Variants in CTNNA2 observed in about 807,000 individuals in gnomAD.
The protein encoded by CTNNA2 is catenin alpha 2, also known as catenin alpha-2.
A neutral mutation model predicts 101.0 loss-of-function variants in CTNNA2; 42 were observed. The observed-to-expected ratio is 0.42, with a 90% CI of 0.32 to 0.54. CTNNA2 has a LOEUF of 0.54. Among genes scored for constraint, CTNNA2 ranks in the 20% least tolerant of loss-of-function variants. The pLI, the probability that CTNNA2 is intolerant of heterozygous loss-of-function variation, is 0.14. For missense variants in CTNNA2, 871 were observed against 1,223.1 expected (o/e 0.71, Z 4.29); for synonymous variants, 450 against 456.4 (o/e 0.99, Z 0.18).
At chr2:79,470,182 G>A (rs1208754319) in intron 4 of CTNNA2, among the ~76,000 whole-genome samples, 2 of 152,088 alleles carry the variant, frequency 1.3e-5, no homozygotes, top group Non-Finnish European at 2.9e-5. Context: ...TATTTAGGAG[G>A]CCAGTGATAT....
chr2:79,314,558 A>T (rs879768608), intron 3 of CTNNA2, among the ~76,000 whole-genome samples: 1 of 152,354 alleles, frequency 6.6e-6, no homozygotes, highest in Non-Finnish European at 1.5e-5. Context: ...AGAGACCCCA[A>T]TGAATGGCTC....
chr2:79,786,533 T>C (rs1022046149), intron 3 of CTNNA2, among the ~76,000 whole-genome samples: 1 of 151,996 alleles, frequency 6.6e-6, no homozygotes, highest in African/African-American at 2.4e-5. Context: ...AGGCATTCTT[T>C]CCAGAAGAGT....
chr2:79,798,931 G>C (rs1675931950), intron 3 of CTNNA2, among the ~76,000 whole-genome samples: 1 of 152,154 alleles, frequency 6.6e-6, no homozygotes, highest in Admixed American at 6.5e-5. Flanking sequence ...CCAAGGTGAT[G>C]CATGGAAAGT....
At chr2:79,345,385 T>C (rs745797564) in intron 3 of CTNNA2, among the ~76,000 whole-genome samples, 1 of 152,168 alleles carries the variant, frequency 6.6e-6, no homozygotes, top group Non-Finnish European at 1.5e-5. Context: ...ATAGGCTACA[T>C]TGATGGCTAA....
intron 1 of CTNNA2, among the ~76,000 whole-genome samples, chr2:79,579,058 T>C (rs1171724364): frequency 6.6e-6 from 1 of 151,798 alleles, no homozygotes; most frequent in Non-Finnish European, 1.5e-5. Context: ...CTTTTTTCTC[T>C]TTTCTTTCCT....
intron 7 of CTNNA2, among the ~76,000 whole-genome samples, chr2:79,921,866 G>A (rs1686680068): frequency 6.6e-6 from 1 of 152,160 alleles, no homozygotes; most frequent in South Asian, 2.1e-4. Context: ...CATTTTGCCC[G>A]ACTGCTCCTG....
intron 1 of CTNNA2, among the ~76,000 whole-genome samples, chr2:79,620,467 C>T (rs529332855): frequency 6.6e-6 from 1 of 152,360 alleles, no homozygotes; most frequent in South Asian, 2.1e-4. Flanking sequence ...CACTCATACA[C>T]ATATGTGTCT....
chr2:80,404,390 T>G (rs1437151843), intron 8 of CTNNA2, among the ~76,000 whole-genome samples: 1 of 152,190 alleles, frequency 6.6e-6, no homozygotes, highest in African/African-American at 2.4e-5. Flanking sequence ...AAAAAAATAG[T>G]AATATATGTA....
At chr2:80,012,291 A>G (rs1386787400) in intron 7 of CTNNA2, among the ~76,000 whole-genome samples, 1 of 152,176 alleles carries the variant, frequency 6.6e-6, no homozygotes, top group African/African-American at 2.4e-5. Context: ...TCCAATTGCC[A>G]TATGTGTTGT....
chr2:80,236,321 A>G (rs940422737), intron 7 of CTNNA2, among the ~76,000 whole-genome samples: 13 of 152,190 alleles, frequency 8.5e-5, no homozygotes, highest in Non-Finnish European at 1.5e-4. Flanking sequence ...CTCTGAGTAT[A>G]TACCCATTAA....
chr2:79,192,266 T>C (rs918482823), intron 1 of CTNNA2, among the ~76,000 whole-genome samples: 3 of 152,124 alleles, frequency 2.0e-5, no homozygotes, highest in Non-Finnish European at 4.4e-5. Context: ...GTCAGGGGAA[T>C]TAAGATTTCA....
chr2:79,186,421 C>A (rs1673779629), intron 1 of CTNNA2, among the ~76,000 whole-genome samples: 2 of 152,130 alleles, frequency 1.3e-5, no homozygotes, highest in African/African-American at 4.8e-5. Context: ...CATGGTATAC[C>A]AGAATGTCTG....
At chr2:80,513,894 T>C (rs376252346) in intron 9 of CTNNA2, among the ~76,000 whole-genome samples, 6 of 152,218 alleles carry the variant, frequency 3.9e-5, no homozygotes, top group South Asian at 4.1e-4. Flanking sequence ...GATGGATATT[T>C]CTTCTTCAGT....
chr2:80,299,831 C>T (rs1007648633), intron 7 of CTNNA2: 1 of 152,152 alleles, frequency 6.6e-6, no homozygotes, highest in Non-Finnish European at 1.5e-5. Context: ...TGAAAGCTTT[C>T]CCTGTAAGCA....
intron 7 of CTNNA2, among the ~76,000 whole-genome samples, chr2:79,974,324 T>G (rs549088442): frequency 3.9e-4 from 60 of 152,268 alleles, no homozygotes; most frequent in African/African-American, 1.4e-3. Context: ...CTAATTGCCC[T>G]GTAGAAGCAA....
chr2:79,283,173 A>T (rs1675448182), intron 2 of CTNNA2, among the ~76,000 whole-genome samples: 2 of 102,452 alleles, frequency 2.0e-5, no homozygotes, highest in Non-Finnish European at 4.5e-5. Flanking sequence ...TTGTCAGATG[A>T]GTAGGTTGTG....
At chr2:80,582,565 G>C (rs1246745448) in intron 14 of CTNNA2, among the ~76,000 whole-genome samples, 2 of 152,130 alleles carry the variant, frequency 1.3e-5, no homozygotes, top group African/African-American at 4.8e-5. Flanking sequence ...CTGATTTGCT[G>C]TATCACCCAG....
chr2:80,144,840 ACT>A (rs1447880805), intron 7 of CTNNA2, among the ~76,000 whole-genome samples: 1 of 152,088 alleles, frequency 6.6e-6, no homozygotes, highest in Non-Finnish European at 1.5e-5. Context: ...AGAGTTTGTT[ACT>A]CTCATCACAA....
chr2:80,006,776 T>G (rs1693386187), intron 7 of CTNNA2, among the ~76,000 whole-genome samples: 1 of 152,122 alleles, frequency 6.6e-6, no homozygotes, highest in African/African-American at 2.4e-5. Flanking sequence ...CTTTGGTAAG[T>G]TGCTTTGAAA....
Sources: gnomAD v4.1 joint callset for allele counts (sites outside exome capture counted in the v4.1 genomes callset) on GRCh38, gnomAD v4.1.1 for gene constraint, MANE v1.5 for transcripts, NCBI Gene and HGNC (gene_info 2026-07-23, HGNC 2026-07-21) for gene names.